OXR1: variants seen among roughly 807,000 people sequenced by gnomAD.
OXR1 encodes oxidation resistance protein 1.
OXR1 carries 41 observed loss-of-function variants against 104.6 expected under a neutral mutation model. The ratio of observed to expected loss-of-function variants is 0.39; its 90% CI spans 0.31 to 0.51. The LOEUF (loss-of-function observed/expected upper bound fraction) is 0.51. OXR1 is among the 20% of genes least tolerant of loss of function. The pLI, the probability that OXR1 is intolerant of heterozygous loss-of-function variation, is 0.77. For synonymous variants in OXR1, 348 were observed against 348.4 expected (o/e 1.00, Z 0.01); for missense variants, 955 against 1,031.9 (o/e 0.93, Z 1.02).
At chr8:106,321,684 A>G (rs1377535259) in intron 1 of OXR1, among the ~76,000 whole-genome samples, 1 of 152,142 alleles carries the variant, frequency 6.6e-6, no homozygotes, top group Admixed American at 6.5e-5. Context: ...TCCAGATTCT[A>G]CCCCAAAGTG....
intron 2 of OXR1, among the ~76,000 whole-genome samples, chr8:106,488,586 G>GA (rs1253900444): frequency 1.3e-5 from 2 of 151,692 alleles, no homozygotes; most frequent in Admixed American, 6.6e-5. Context: ...AATCCATCTT[G>GA]AATTGATTTT....
chr8:106,305,463 A>G (rs1236198400), intron 1 of OXR1, among the ~76,000 whole-genome samples: 1 of 152,174 alleles, frequency 6.6e-6, no homozygotes, highest in Non-Finnish European at 1.5e-5. Context: ...GACAGATTTA[A>G]ATAATTCTTT....
At chr8:106,322,759 A>AAGAT (rs1489983243) in intron 1 of OXR1, among the ~76,000 whole-genome samples, 2 of 152,226 alleles carry the variant, frequency 1.3e-5, no homozygotes, top group Non-Finnish European at 2.9e-5. Flanking sequence ...CTGAGAGCGA[A>AAGAT]AGATAGAAAG....
chr8:106,443,484 A>C (rs1382956881), intron 2 of OXR1, among the ~76,000 whole-genome samples: 5 of 152,110 alleles, frequency 3.3e-5, no homozygotes, highest in Non-Finnish European at 7.4e-5. Flanking sequence ...TGTCTCGTTG[A>C]TCTGACTGAT....
chr8:106,709,605 TA>T (rs1435698760), intron 9 of OXR1, among the ~76,000 whole-genome samples: 1 of 150,716 alleles, frequency 6.6e-6, no homozygotes, highest in East Asian at 1.9e-4. Context: ...GTTGGGGGTT[TA>T]ATGGGGTTAG....
chr8:106,424,682 A>C (rs1479281458), intron 2 of OXR1, among the ~76,000 whole-genome samples: 1 of 152,124 alleles, frequency 6.6e-6, no homozygotes, highest in East Asian at 1.9e-4. Flanking sequence ...TAAAATTATA[A>C]ATCTCCAGTG....
At position 106,707,431 on chromosome 8, in the gene OXR1, G is replaced by A. The variant is rs1831252148; in HGVS notation, c.1624+286G>A. On this transcript the variant is annotated intron_variant, in intron 9 of 16. Transcript: ENST00000517566. ...TAAACAATTTATTTCTTGAGAAATT[G>A]CACAAAAGCTGTATAATACCTTTGA... 7.1e-6 allele frequency: 4 copies of A among 564,578 alleles called. No homozygotes were observed. In the South Asian group the frequency reaches 9.9e-5, roughly 14 times the overall value. 35.0% of individuals were successfully genotyped at this position (564,578 alleles called of 1,614,324 possible).
At chr8:106,482,838 A>G (rs1302076927) in intron 2 of OXR1, among the ~76,000 whole-genome samples, 1 of 148,638 alleles carries the variant, frequency 6.7e-6, no homozygotes, top group South Asian at 2.1e-4. Context: ...TACACATGTC[A>G]TGATGTGTAA....
At chr8:106,311,882 G>T (rs1009691634) in intron 1 of OXR1, among the ~76,000 whole-genome samples, 1 of 151,802 alleles carries the variant, frequency 6.6e-6, no homozygotes, top group African/African-American at 2.4e-5. Context: ...TCACTTTCCG[G>T]CATTTATAAT....
At chr8:106,712,006 T>C (rs1831742896) in intron 10 of OXR1, among the ~76,000 whole-genome samples, 1 of 152,112 alleles carries the variant, frequency 6.6e-6, no homozygotes, top group Admixed American at 6.6e-5. Context: ...AGACCTTTCC[T>C]ATATCCATTG....
At chr8:106,692,140 C>G (rs949154217) in intron 6 of OXR1, among the ~76,000 whole-genome samples, 1 of 151,914 alleles carries the variant, frequency 6.6e-6, no homozygotes, top group African/African-American at 2.4e-5. Flanking sequence ...TTCTGAGAAG[C>G]TGGTTCATAG....
At chr8:106,423,420 G>A (rs1163725140) in intron 2 of OXR1, among the ~76,000 whole-genome samples, 1 of 152,064 alleles carries the variant, frequency 6.6e-6, no homozygotes, top group Non-Finnish European at 1.5e-5. Context: ...AATGACTGGG[G>A]TTCATTTAAG....
intron 2 of OXR1, among the ~76,000 whole-genome samples, chr8:106,477,370 G>C (rs1373527897): frequency 6.6e-6 from 1 of 151,878 alleles, no homozygotes; most frequent in Non-Finnish European, 1.5e-5. Context: ...ATAACAACAG[G>C]AGGTGGGTAC....
chr8:106,292,542 T>C (rs1307140675), intron 1 of OXR1, among the ~76,000 whole-genome samples: 1 of 152,206 alleles, frequency 6.6e-6, no homozygotes, highest in Non-Finnish European at 1.5e-5. Flanking sequence ...TTGGGTTTGG[T>C]ACTATCCTCG....
intron 11 of OXR1, among the ~76,000 whole-genome samples, chr8:106,716,484 C>T (rs1314639735): frequency 1.1e-5 from 1 of 88,200 alleles, no homozygotes; most frequent in South Asian, 3.5e-4. Context: ...ATTAGCCGGG[C>T]GCGGTGGTGG....
chr8:106,629,217 G>A (rs1323863468), intron 3 of OXR1, among the ~76,000 whole-genome samples: 1 of 151,610 alleles, frequency 6.6e-6, no homozygotes, highest in Non-Finnish European at 1.5e-5. Flanking sequence ...TATACCTTGT[G>A]TTAAGTCTGC....
chr8:106,310,238 T>G (rs975896692), intron 1 of OXR1, among the ~76,000 whole-genome samples: 97 of 151,936 alleles, frequency 6.4e-4, no homozygotes, highest in African/African-American at 2.1e-3. Context: ...ACCTTTTTTT[T>G]TTTTTTGTGA....
chr8:106,690,296 A>T (rs546272443), intron 6 of OXR1, among the ~76,000 whole-genome samples: 4 of 151,110 alleles, frequency 2.6e-5, no homozygotes, highest in Admixed American at 2.6e-4. Flanking sequence ...TATATACTAC[A>T]TTCATATTAT....
At chr8:106,516,765 A>C (rs1410404037) in intron 2 of OXR1, among the ~76,000 whole-genome samples, 1 of 152,178 alleles carries the variant, frequency 6.6e-6, no homozygotes, top group East Asian at 1.9e-4. Context: ...AATATAGTAC[A>C]ATATGATATT....
Sources: gnomAD v4.1 joint callset for allele counts (sites outside exome capture counted in the v4.1 genomes callset) on GRCh38, gnomAD v4.1.1 for gene constraint, MANE v1.5 for transcripts, NCBI Gene and HGNC (gene_info 2026-07-23, HGNC 2026-07-21) for gene names.